FGA: variants seen among roughly 807,000 people sequenced by gnomAD.
The protein encoded by FGA is fibrinogen alpha chain.
Under a neutral mutation model 20.3 loss-of-function variants are expected in FGA, and 20 were observed. The observed-to-expected ratio is 0.99, with a 90% CI of 0.69 to 1.43. The LOEUF is 1.43. FGA is among the 40% of genes most tolerant of loss of function. The pLI is 0.00. For synonymous variants in FGA, 306 were observed against 281.6 expected (o/e 1.09, Z -0.87); for missense variants, 777 against 784.7 (o/e 0.99, Z 0.12).
chr4:154,585,492 G>A lies in FGA; in HGVS notation c.*2C>T. On this transcript the variant is annotated 3_prime_UTR_variant, in exon 5 of 5. Transcript: ENST00000403106. ...ACACTGTGCAGAAATATTTAACTTA[G>A]TCTAGGGGGACAGGGAAGGCTTCCC... 6.4e-7 allele frequency: 1 copy of A among 1,555,396 alleles called. No homozygotes were observed. The highest frequency in any genetic ancestry group is 1.1e-5 in the South Asian group (1 of 89,834).
chr4:154,586,455 C>T lies in FGA; in HGVS notation c.974G>A (p.Ser325Asn), dbSNP rs781111021. Residue 325 changes from serine to asparagine, a missense_variant, in exon 5 of 5, where the codon AGC (serine) becomes AAC (asparagine). By Grantham distance (46) the Ser-to-Asn change is conservative. Coordinates refer to ENST00000403106, the MANE Select transcript of FGA (RefSeq NM_021871.4). ...TGGTATWKPG[S>N]SGPGSTGSWN... ...GCTTCCAGTACTTCCAGGTCCAGAG[C>T]TCCCAGGTTTCCAGGTTGCAGTCCC... is the stretch of plus-strand genomic sequence containing the variant. 177 of 1,608,992 alleles carry T rather than the reference C, an allele frequency of 1.1e-4. No homozygotes were observed. The highest frequency in any genetic ancestry group is 1.7e-4 in the Middle Eastern group (1 of 6,056).
chr4:154,586,070 G>A lies in FGA; in HGVS notation c.1359C>T (p.Ser453=), dbSNP rs1377577565. The A allele has an allele frequency of 3.1e-6, 5 of 1,614,002 alleles. No homozygotes were observed. The highest frequency in any genetic ancestry group is 1.1e-5 in the South Asian group (1 of 91,074). The change falls in exon 5 of 5, where the codon AGC becomes AGT. Residue 453 remains serine, a synonymous_variant. Coordinates refer to ENST00000403106, the MANE Select transcript of FGA (RefSeq NM_021871.4). ...AGCATGAACGACGCGTGGTGGTTGT[G>A]CTACCAGAGGTGACCTTCTCTTTAC... is the stretch of plus-strand genomic sequence containing the variant. ...RTGKEKVTSG[S]TTTTRRSCSK...
In FGA at chr4:154,588,977, C is replaced by T. The variant is rs1560827554; in HGVS notation, c.181-1G>A. The T allele has an allele frequency of 9.9e-6, 16 of 1,612,358 alleles. No homozygotes were observed. The highest frequency in any genetic ancestry group is 1.4e-5 in the Non-Finnish European group (16 of 1,178,584). On this transcript the variant is annotated splice_acceptor_variant, in intron 2 of 4. Coordinates refer to ENST00000403106, the MANE Select transcript of FGA (RefSeq NM_021871.4). LOFTEE classifies it high-confidence loss of function. Reference sequence around the variant, plus strand: ...TGCAGCCAGAAGGGCATTTGTAGTTCTGAAAGTGAAGGGAGAAAATTACAG... The same window carrying T: ...TGCAGCCAGAAGGGCATTTGTAGTTTTGAAAGTGAAGGGAGAAAATTACAG...
At chr4:154,584,209 T>C (rs1730652408), downstream of FGA, 1 of 1,609,368 alleles carries the variant, frequency 6.2e-7, no homozygotes, top group Non-Finnish European at 8.5e-7. Flanking sequence ...GACCACTCCA[T>C]TCTCAATCTC....
At chr4:154,588,092 T>C (rs954344621) in intron 3 of FGA, among the ~76,000 whole-genome samples, 5 of 152,232 alleles carry the variant, frequency 3.3e-5, no homozygotes, top group Admixed American at 6.5e-5. Flanking sequence ...CTTGAACATA[T>C]TGGATTTTCT....
chr4:154,589,079 C>G, intron 2 of FGA, 103 bp from the exon 3 acceptor site: 1 of 1,028,160 alleles, frequency 9.7e-7, no homozygotes, highest in Non-Finnish European at 1.5e-6. Context: ...CCTATCTCTT[C>G]CAGATAAGTT....
rs1338695386 is a variant in FGA at position 154,586,237 on chromosome 4, G to T, written c.1192C>A (p.Pro398Thr). Residue 398 changes from proline (P) to threonine (T), a missense_variant, in exon 5 of 5, where the codon CCA (proline) becomes ACA (threonine). Physicochemically the swap from Pro to Thr is conservative, Grantham distance 38. Transcript: ENST00000403106. ...TTAGGCCTCGCGTTCCCAGAGCCTG[G>T]GCTATCTGGCCTAAAACTTCCAGAT... ...SESGSFRPDS[P>T]GSGNARPNNP... 6.2e-7 allele frequency: 1 copy of T among 1,614,034 alleles called. No homozygotes were observed. Among genetic ancestry groups the T allele is most frequent in the East Asian group, 2.2e-5 (1 of 44,872 alleles).
chr4:154,590,521 G>T, intron 1 of FGA, 113 bp downstream of exon 1: 1 of 921,736 alleles, frequency 1.1e-6, no homozygotes, highest in Non-Finnish European at 1.7e-6. Flanking sequence ...CAGGCCTGGG[G>T]TCATAAAGCT....
chr4:154,584,032 G>A (rs993797055), downstream of FGA: 33 of 1,001,184 alleles, frequency 3.3e-5, no homozygotes, highest in Non-Finnish European at 6.3e-6. Flanking sequence ...AATTTTTTAG[G>A]TTGTAGAGAA....
chr4:154,585,126 C>G, downstream of FGA: 1 of 779,564 alleles, frequency 1.3e-6, no homozygotes, highest in South Asian at 1.9e-5. Flanking sequence ...TCACTTAATA[C>G]TAACACAACT....
Position 154,585,532 on chromosome 4 carries a change from G to T in FGA, c.1897C>A (p.His633Asn), listed in dbSNP as rs1730684146. 1 of 1,613,402 alleles carries T rather than the reference G, an allele frequency of 6.2e-7. No individual in the cohort carries two copies. The change falls in exon 5 of 5, where the codon CAC becomes AAC. Residue 633 changes from histidine (H) to asparagine (N), a missense_variant. Coordinates refer to ENST00000403106, the MANE Select transcript of FGA (RefSeq NM_021871.4). ...HAKSRPVRGI[H>N]TSPLGKPSLS... Reference sequence around the variant, plus strand: ...GAAGGCTTCCCCAAAGGAGAAGTGTGGATACCTCTGACAGGGCGAGATTTA... The same window carrying T: ...GAAGGCTTCCCCAAAGGAGAAGTGTTGATACCTCTGACAGGGCGAGATTTA...
intron 3 of FGA, 110 bp from the exon 4 acceptor site, chr4:154,587,767 G>GAAAGAAAC (rs1730769573): frequency 1.6e-6 from 1 of 633,012 alleles, no homozygotes; most frequent in African/African-American, 1.9e-5. Context: ...AAGAAAGAAA[G>GAAAGAAAC]AAAGAAAGAA....
chr4:154,589,967 T>C (rs944112959), intron 1 of FGA, among the ~76,000 whole-genome samples: 1 of 152,358 alleles, frequency 6.6e-6, no homozygotes, highest in East Asian at 1.9e-4. Context: ...TCTCCTGTAA[T>C]TGCTGCTTCA....
In FGA at chr4:154,587,553, T is replaced by C. The variant is rs1730758181; in HGVS notation, c.469A>G (p.Lys157Glu). The C allele has an allele frequency of 6.2e-7, 1 of 1,614,056 alleles. No individual in the cohort carries two copies. Among genetic ancestry groups the C allele is most frequent in the Non-Finnish European group, 8.5e-7 (1 of 1,179,996 alleles). ...EKVQHIQLLQ[K>E]NVRAQLVDMK... ...TCAACCAACTGAGCTCTAACATTTT[T>C]CTGCAGAAGCTGGATATGCTGTACT... Residue 157 changes from lysine to glutamate, a missense_variant, in exon 4 of 5, where the codon AAA (lysine) becomes GAA (glutamate). Transcript: ENST00000403106.
Position 154,586,057 on chromosome 4 carries a change from G to T in FGA, c.1372C>A (p.Arg458Ser), listed in dbSNP as rs1276352833. 6.2e-7 allele frequency: 1 copy of T among 1,614,126 alleles called. No individual in the cohort carries two copies. The highest frequency in any genetic ancestry group is 1.1e-5 in the South Asian group (1 of 91,070). ...KVTSGSTTTT[R>S]RSCSKTVTKT... is the part of the protein sequence containing the mutation. The stretch of plus-strand genomic sequence containing the variant: ...GTAACGGTTTTAGAGCATGAACGAC[G>T]CGTGGTGGTTGTGCTACCAGAGGTG... The change falls in exon 5 of 5, where the codon CGT becomes AGT. Residue 458 changes from arginine (R) to serine (S), a missense_variant. Arg to Ser is a moderately radical substitution (Grantham distance 110, BLOSUM62 -1). Coordinates refer to ENST00000403106, the MANE Select transcript of FGA (RefSeq NM_021871.4).
Position 154,586,333 on chromosome 4 carries a change from C to G in FGA, c.1096G>C (p.Glu366Gln). The change falls in exon 5 of 5, where the codon GAA becomes CAA. Residue 366 changes from glutamate (E) to glutamine (Q), a missense_variant. Transcript: ENST00000403106. ...STGTWNPGSSERGSAGHWTSE... is the reference protein window; with the variant it reads ...STGTWNPGSSQRGSAGHWTSE... Reference sequence around the variant, plus strand: ...GTCCAGTGCCCAGCACTTCCGCGTTCAGAGCTGCCAGGATTCCAGGTTCCG... The same window carrying G: ...GTCCAGTGCCCAGCACTTCCGCGTTGAGAGCTGCCAGGATTCCAGGTTCCG... 1 of 1,614,230 alleles carries G rather than the reference C, an allele frequency of 6.2e-7. No individual in the cohort carries two copies.
At chr4:154,587,793 A>AAGAAAGAC in intron 3 of FGA, 136 bp from the exon 4 acceptor site, 1 of 715,866 alleles carries the variant, frequency 1.4e-6, no homozygotes. Flanking sequence ...GAAAGAAAGA[A>AAGAAAGAC]AGAAAGAAAG....
chr4:154,586,796 G>C lies in FGA; in HGVS notation c.633C>G (p.Asp211Glu), dbSNP rs1054517691. The stretch of plus-strand genomic sequence containing the variant: ...GTTGCCTATCTCTAGAGGGAAGTAA[G>C]TCTTTGGCAATGACCTGTTCAAGTT... ...QKQLEQVIAK[D>E]LLPSRDRQHL... The change falls in exon 5 of 5, where the codon GAC (aspartate) becomes GAG (glutamate). Residue 211 changes from aspartate to glutamate, a missense_variant. By Grantham distance (45) the Asp-to-Glu change is conservative (BLOSUM62 2). Transcript: ENST00000403106. 7 of 1,614,034 alleles carry C rather than the reference G, an allele frequency of 4.3e-6. No individual in the cohort carries two copies. The Admixed American group carries it at 5.0e-5, about 12-fold the overall frequency.
chr4:154,587,920 G>A (rs924714661), intron 3 of FGA, among the ~76,000 whole-genome samples: 1 of 152,178 alleles, frequency 6.6e-6, no homozygotes, highest in Non-Finnish European at 1.5e-5. Flanking sequence ...GTTATGCCCT[G>A]CAGCCTTCCA....
Sources: allele counts gnomAD v4.1 joint callset (sites outside exome capture counted in the v4.1 genomes callset), GRCh38; gene constraint gnomAD v4.1.1; transcripts MANE v1.5; gene names NCBI Gene and HGNC (gene_info 2026-07-23, HGNC 2026-07-21).